PIAS2: variants seen among roughly 807,000 people sequenced by gnomAD.
PIAS2 encodes E3 SUMO-protein ligase PIAS2.
In PIAS2, 19 loss-of-function variants were observed where a neutral mutation model predicts 69.7. That is an observed-to-expected ratio of 0.27 (90% CI 0.19 to 0.40). The LOEUF (loss-of-function observed/expected upper bound fraction) is 0.40. Among genes scored for constraint, PIAS2 ranks in the 10% least tolerant of loss-of-function variants. The pLI is 1.00. For missense variants in PIAS2, 624 were observed against 757.0 expected, an observed-to-expected ratio of 0.82 and a Z score of 2.06; for synonymous variants, 261 against 263.2, an observed-to-expected ratio of 0.99 and a Z score of 0.08.
chr18:46,889,920 T>C (rs1172423617), intron 2 of PIAS2, among the ~76,000 whole-genome samples: 1 of 152,226 alleles, frequency 6.6e-6, no homozygotes, highest in African/African-American at 2.4e-5. Context: ...TTGTTGCCTC[T>C]TGAAAGTGAG....
intron 11 of PIAS2, chr18:46,827,295 A>G (rs2042963454): frequency 6.6e-6 from 1 of 152,082 alleles, no homozygotes; most frequent in Non-Finnish European, 1.5e-5. Flanking sequence ...AAATACCCAA[A>G]CCTGATTTTT....
chr18:46,894,193 T>C (rs2146042221), intron 1 of PIAS2, among the ~76,000 whole-genome samples: 1 of 152,314 alleles, frequency 6.6e-6, no homozygotes, highest in Admixed American at 6.5e-5. Flanking sequence ...TCAAAGCAGC[T>C]TACTAAGTAA....
chr18:46,832,616 T>C (rs1279659791), intron 9 of PIAS2, among the ~76,000 whole-genome samples: 1 of 151,678 alleles, frequency 6.6e-6, no homozygotes, highest in East Asian at 2.0e-4. Context: ...ACTGGCCGGA[T>C]GTGGTGACTC....
Position 46,852,378 on chromosome 18 carries a change from T to C in PIAS2, c.726+2967A>G, listed in dbSNP as rs531624997. Among the ~76,000 whole-genome samples the C allele has an allele frequency of 1.2e-4, 19 of 152,360 alleles. 2 individuals carry two copies. The East Asian group carries it at 3.7e-3, about 29-fold the overall frequency. ...CAGGCAAATCCTCCCCATTGCCTTC[T>C]ATTTTTGAAAATATGTCTTTGCCTT... On this transcript the variant is annotated intron_variant, in intron 5 of 13. Transcript: ENST00000585916.
chr18:46,887,968 T>TA (rs2053474054), intron 2 of PIAS2, among the ~76,000 whole-genome samples: 1 of 152,112 alleles, frequency 6.6e-6, no homozygotes, highest in African/African-American at 2.4e-5. Context: ...CAGTAAACCT[T>TA]AAAGATTTCA....
intron 13 of PIAS2, among the ~76,000 whole-genome samples, chr18:46,813,448 T>A (rs115739186): frequency 0.013 from 1,934 of 152,232 alleles, 39 homozygotes; most frequent in African/African-American, 0.043. Flanking sequence ...TATATCAGTA[T>A]AGAATATTTT....
chr18:46,816,634 T>C (rs975608935), intron 12 of PIAS2: 1 of 260,582 alleles, frequency 3.8e-6, no homozygotes, highest in Non-Finnish European at 6.0e-6. Flanking sequence ...TAATTATTAT[T>C]ATTATTTTTT....
rs566601843 is a variant in PIAS2, at chr18:46,913,819, T to A, written c.24+3503A>T. On this transcript the variant is annotated intron_variant, in intron 1 of 13. Transcript: ENST00000585916. ...GTGCTTAGCTCTTCTACAGACTAGT[T>A]TGAGACAGGGTCTCCCTCTGTCGCT... 4.7e-4 allele frequency among the ~76,000 whole-genome samples: 71 copies of A among 152,318 alleles called. 2 individuals carry two copies. In the South Asian group the frequency reaches 0.014, roughly 30 times the overall value.
intron 5 of PIAS2, among the ~76,000 whole-genome samples, chr18:46,847,571 T>C (rs2046339011): frequency 6.6e-6 from 1 of 151,126 alleles, no homozygotes; most frequent in African/African-American, 2.4e-5. Flanking sequence ...AAGCTCCGCC[T>C]CTCGGGTTCA....
At chr18:46,817,188 T>C in intron 12 of PIAS2, 1 of 965,418 alleles carries the variant, frequency 1.0e-6, no homozygotes. Context: ...TGTTCAATCA[T>C]CTTTAATATT....
chr18:46,828,950 C>T (rs1488839445), intron 10 of PIAS2, among the ~76,000 whole-genome samples: 1 of 152,200 alleles, frequency 6.6e-6, no homozygotes, highest in African/African-American at 2.4e-5. Context: ...GGTTTAGTGT[C>T]AATCGCAGAG....
chr18:46,919,005 A>ATGTG (rs778074259), upstream of PIAS2, among the ~76,000 whole-genome samples: 6 of 147,180 alleles, frequency 4.1e-5, no homozygotes, highest in Non-Finnish European at 8.9e-5. Flanking sequence ...GTATATATAT[A>ATGTG]TATGTGTGTG....
At chr18:46,918,651 A>G (rs1199799761), upstream of PIAS2, among the ~76,000 whole-genome samples, 5 of 152,074 alleles carry the variant, frequency 3.3e-5, no homozygotes, top group East Asian at 9.7e-4. Context: ...CCAACTCCGG[A>G]CCTCAGGTGA....
chr18:46,881,203 C>T (rs1437134048), intron 2 of PIAS2, among the ~76,000 whole-genome samples: 2 of 152,160 alleles, frequency 1.3e-5, no homozygotes, highest in Non-Finnish European at 2.9e-5. Flanking sequence ...AAAATGCTCA[C>T]CAACGTCCTA....
intron 1 of PIAS2, among the ~76,000 whole-genome samples, chr18:46,912,492 G>A (rs1425988172): frequency 6.6e-6 from 1 of 152,264 alleles, no homozygotes; most frequent in East Asian, 1.9e-4. Context: ...TGAAACCAAA[G>A]ATAAGTCATT....
At position 46,810,089 on chromosome 18, in the gene PIAS2, T is replaced by C. The variant is rs2040901878; in HGVS notation, c.*2344A>G. 6.6e-6 allele frequency: 1 copy of C among 152,180 alleles called. No homozygotes were observed. 9.4% of individuals were successfully genotyped at this position (152,180 alleles called of 1,614,324 possible). The stretch of plus-strand genomic sequence containing the variant: ...AGATGATAAACTTCAAAGTGTATTT[T>C]TTAAAATGCAAGTTGCCTGTATGAA... On this transcript the variant is annotated 3_prime_UTR_variant, in exon 14 of 14. Transcript: ENST00000585916.
chr18:46,889,543 A>G lies in PIAS2; in HGVS notation c.499+1037T>C, dbSNP rs568671846. ...TACAATAAGATACCACCTGACACCC[A>G]TTATAATGGCCACTATAAAAAAAAA... On this transcript the variant is annotated intron_variant, in intron 2 of 13. Transcript: ENST00000585916. Among the ~76,000 whole-genome samples the G allele has an allele frequency of 5.3e-5, 8 of 152,248 alleles. No individual in the cohort carries two copies. In the East Asian group the frequency reaches 1.5e-3, roughly 29 times the overall value.
intron 5 of PIAS2, among the ~76,000 whole-genome samples, chr18:46,847,511 T>C (rs1485915912): frequency 6.6e-6 from 1 of 151,286 alleles, no homozygotes; most frequent in Non-Finnish European, 1.5e-5. Context: ...AGACGGAGTC[T>C]GGCTCTGTCG....
intron 5 of PIAS2, among the ~76,000 whole-genome samples, chr18:46,849,734 C>T (rs893407595): frequency 5.9e-5 from 9 of 152,124 alleles, no homozygotes; most frequent in Non-Finnish European, 1.0e-4. Flanking sequence ...CTTTAAATTA[C>T]GGAAATTTCA....
Sources: gnomAD v4.1 joint callset for allele counts (sites outside exome capture counted in the v4.1 genomes callset) on GRCh38, gnomAD v4.1.1 for gene constraint, MANE v1.5 for transcripts, NCBI Gene and HGNC (gene_info 2026-07-23, HGNC 2026-07-21) for gene names.